The following TNFSF4 variants were observed in gnomAD, a reference collection of about 807,000 sequenced individuals.
TNFSF4 encodes TNF superfamily member 4.
A neutral mutation model predicts 7.3 loss-of-function variants in TNFSF4; 4 were observed. That is an observed-to-expected ratio of 0.55 (90% confidence interval 0.27 to 1.25). The LOEUF (loss-of-function observed/expected upper bound fraction) is 1.25, where lower values mean the gene tolerates loss of function less well. Ranked by LOEUF, TNFSF4 falls within the 50% of genes most tolerant of loss-of-function variation. TNFSF4 has a pLI of 0.12. For missense variants in TNFSF4, 181 were observed against 208.8 expected (o/e 0.87, Z 0.82); for synonymous variants, 76 against 83.7 (o/e 0.91, Z 0.50).
the TNFSF4 span, among the ~76,000 whole-genome samples, chr1:173,328,888 G>A: frequency 1.3e-5 from 2 of 151,986 alleles, no homozygotes; most frequent in African/African-American, 2.4e-5. Flanking sequence ...CCTTAAAAAT[G>A]TCTTGTGCCC....
the TNFSF4 span, among the ~76,000 whole-genome samples, chr1:173,328,872 T>C: frequency 2.0e-5 from 3 of 152,120 alleles, no homozygotes; most frequent in South Asian, 6.2e-4. Flanking sequence ...AAAAAAATGT[T>C]TTGTACCTTA....
the TNFSF4 span, among the ~76,000 whole-genome samples, chr1:173,392,876 C>T: frequency 6.6e-6 from 1 of 152,128 alleles, no homozygotes; most frequent in Non-Finnish European, 1.5e-5. Flanking sequence ...ATTACAACTC[C>T]TTAAAGAAGG....
chr1:173,438,231 C>A, the TNFSF4 span, among the ~76,000 whole-genome samples: 1 of 152,056 alleles, frequency 6.6e-6, no homozygotes, highest in Non-Finnish European at 1.5e-5. Context: ...AAAACCTATA[C>A]AACATGAAAA....
upstream of TNFSF4, among the ~76,000 whole-genome samples, chr1:173,210,631 GTGATA>G (rs1036955465): frequency 6.6e-6 from 1 of 152,136 alleles, no homozygotes; most frequent in Non-Finnish European, 1.5e-5. Flanking sequence ...GAAGCAGAAT[GTGATA>G]TGATATGATA....
the TNFSF4 span, among the ~76,000 whole-genome samples, chr1:173,367,233 G>C: frequency 6.6e-6 from 1 of 152,110 alleles, no homozygotes; most frequent in Non-Finnish European, 1.5e-5. Flanking sequence ...GTAGCTTCCA[G>C]CCCCATACAC....
At chr1:173,308,921 C>T in the TNFSF4 span, among the ~76,000 whole-genome samples, 1 of 151,858 alleles carries the variant, frequency 6.6e-6, no homozygotes, top group Non-Finnish European at 1.5e-5. Context: ...TATAAAATAG[C>T]CTCAAAAGTC....
At chr1:173,345,453 A>G in the TNFSF4 span, among the ~76,000 whole-genome samples, 5 of 152,352 alleles carry the variant, frequency 3.3e-5, no homozygotes, top group African/African-American at 9.6e-5. Context: ...TCTGAAAACA[A>G]CAATGAGTGG....
At chr1:173,285,316 A>G in the TNFSF4 span, among the ~76,000 whole-genome samples, 1 of 152,282 alleles carries the variant, frequency 6.6e-6, no homozygotes, top group East Asian at 1.9e-4. Flanking sequence ...TTCCTCATTC[A>G]TAGGAATGAA....
the TNFSF4 span, among the ~76,000 whole-genome samples, chr1:173,230,982 C>T: frequency 6.6e-6 from 1 of 152,154 alleles, no homozygotes; most frequent in South Asian, 2.1e-4. Flanking sequence ...AAGCCCAGCA[C>T]CAGATGGATT....
At chr1:173,231,784 T>C in the TNFSF4 span, among the ~76,000 whole-genome samples, 4 of 152,136 alleles carry the variant, frequency 2.6e-5, no homozygotes, top group Non-Finnish European at 4.4e-5. Context: ...ACAATATCAA[T>C]GTACAAAAAT....
At chr1:173,419,068 T>A in the TNFSF4 span, among the ~76,000 whole-genome samples, 97 of 152,262 alleles carry the variant, frequency 6.4e-4, no homozygotes, top group South Asian at 0.019. Context: ...GGCCGGGTGC[T>A]GTGGCTCACG....
At chr1:173,213,776 C>T in the TNFSF4 span, among the ~76,000 whole-genome samples, 1 of 152,124 alleles carries the variant, frequency 6.6e-6, no homozygotes, top group South Asian at 2.1e-4. Context: ...ATATATGAGA[C>T]ATTAATCCCC....
the TNFSF4 span, among the ~76,000 whole-genome samples, chr1:173,373,903 A>G: frequency 6.6e-6 from 1 of 152,240 alleles, no homozygotes; most frequent in Non-Finnish European, 1.5e-5. Flanking sequence ...TTATAAAGTG[A>G]CAATGGTCTG....
At chr1:173,214,749 T>C in the TNFSF4 span, among the ~76,000 whole-genome samples, 2 of 152,180 alleles carry the variant, frequency 1.3e-5, no homozygotes, top group South Asian at 4.1e-4. Flanking sequence ...TGGGAGTACA[T>C]CTTCCATTTA....
the TNFSF4 span, among the ~76,000 whole-genome samples, chr1:173,343,290 A>G: frequency 6.6e-6 from 1 of 152,220 alleles, no homozygotes; most frequent in Admixed American, 6.5e-5. Context: ...AGTCATTGCA[A>G]CTACAAATAG....
the TNFSF4 span, among the ~76,000 whole-genome samples, chr1:173,177,323 T>G: frequency 0.035 from 5,258 of 152,242 alleles, 284 homozygotes; most frequent in African/African-American, 0.12. Flanking sequence ...GCCATTATAC[T>G]AAGCAAACTA....
upstream of TNFSF4, among the ~76,000 whole-genome samples, chr1:173,208,628 A>G (rs1403950089): frequency 1.3e-5 from 2 of 152,214 alleles, no homozygotes; most frequent in Non-Finnish European, 2.9e-5. Flanking sequence ...GCACAATATC[A>G]TAGACTCCAA....
chr1:173,248,134 T>A, the TNFSF4 span, among the ~76,000 whole-genome samples: 1 of 151,974 alleles, frequency 6.6e-6, no homozygotes, highest in East Asian at 1.9e-4. Flanking sequence ...GGCATGTGGA[T>A]CACGAGGTCA....
chr1:173,390,946 A>G, the TNFSF4 span, among the ~76,000 whole-genome samples: 1 of 151,796 alleles, frequency 6.6e-6, no homozygotes. Context: ...GGGTTTCACC[A>G]TGTTGGCCAG....
Sources: gnomAD v4.1 joint callset for allele counts (sites outside exome capture counted in the v4.1 genomes callset) on GRCh38, gnomAD v4.1.1 for gene constraint, MANE v1.5 for transcripts, NCBI Gene and HGNC (gene_info 2026-07-23, HGNC 2026-07-21) for gene names.